NXN: variants seen among roughly 807,000 people sequenced by gnomAD.
The protein encoded by NXN is nucleoredoxin 1.
NXN carries 16 observed loss-of-function variants against 48.6 expected under a neutral mutation model. The observed-to-expected ratio is 0.33, with a 90% CI of 0.22 to 0.50. The LOEUF (loss-of-function observed/expected upper bound fraction) is 0.50, where lower values mean the gene tolerates loss of function less well. Among genes scored for constraint, NXN ranks in the 20% least tolerant of loss-of-function variants. The pLI, the probability that NXN is intolerant of heterozygous loss-of-function variation, is 0.98. For missense variants in NXN, 492 were observed against 605.5 expected, an observed-to-expected ratio of 0.81 and a Z score of 1.97; for synonymous variants, 281 against 269.6, an observed-to-expected ratio of 1.04 and a Z score of -0.41.
At chr17:975,226 T>C (rs965854350) in intron 1 of NXN, among the ~76,000 whole-genome samples, 26 of 152,230 alleles carry the variant, frequency 1.7e-4, no homozygotes, top group Admixed American at 4.6e-4. Flanking sequence ...GGGCTTCTTA[T>C]GAAGAAGGCA....
At chr17:865,285 C>T (rs534539724) in intron 1 of NXN, among the ~76,000 whole-genome samples, 4 of 152,202 alleles carry the variant, frequency 2.6e-5, no homozygotes, top group South Asian at 4.1e-4. Flanking sequence ...CTCTGTCACC[C>T]AGGCTGGAGT....
intron 1 of NXN, among the ~76,000 whole-genome samples, chr17:943,419 C>T (rs902612866): frequency 6.6e-6 from 1 of 152,174 alleles, no homozygotes; most frequent in African/African-American, 2.4e-5. Flanking sequence ...GAGTGATGAC[C>T]TCAAGCACGT....
At chr17:953,072 A>G (rs554944136) in intron 1 of NXN, among the ~76,000 whole-genome samples, 2 of 152,310 alleles carry the variant, frequency 1.3e-5, no homozygotes, top group South Asian at 4.1e-4. Context: ...TGAGGGGCTC[A>G]GTCCACAGAA....
chr17:951,999 G>A (rs890260420), intron 1 of NXN, among the ~76,000 whole-genome samples: 11 of 152,148 alleles, frequency 7.2e-5, no homozygotes, highest in African/African-American at 2.7e-4. Flanking sequence ...AATTCTCCAC[G>A]GTCAGCCATC....
At chr17:955,073 T>C (rs879342326) in intron 1 of NXN, among the ~76,000 whole-genome samples, 4 of 149,812 alleles carry the variant, frequency 2.7e-5, no homozygotes, top group African/African-American at 4.9e-5. Context: ...ACGGGGAGAG[T>C]GGTCTTTTCT....
intron 1 of NXN, among the ~76,000 whole-genome samples, chr17:951,545 T>C (rs1401521652): frequency 2.5e-5 from 2 of 81,534 alleles, no homozygotes; most frequent in Non-Finnish European, 4.4e-5. Context: ...CAATACATTT[T>C]AAAAATGCGA....
chr17:816,287 C>G (rs1202300455), intron 5 of NXN, among the ~76,000 whole-genome samples: 2 of 152,104 alleles, frequency 1.3e-5, no homozygotes, highest in Non-Finnish European at 2.9e-5. Context: ...AAAGTACAAC[C>G]CATGTATTTT....
intron 1 of NXN, among the ~76,000 whole-genome samples, chr17:853,935 T>C (rs1266720138): frequency 6.6e-6 from 1 of 151,914 alleles, no homozygotes; most frequent in Non-Finnish European, 1.5e-5. Context: ...TTAGCCAGGA[T>C]GGTCTTGATC....
rs1319403521 is a variant in NXN at position 919,938 on chromosome 17, C to G, written c.360+59381G>C. ...GGCGGAAAATGTACCTTCCATCTCT[C>G]TCTGCCTCAGCCCCCACCGGCACCC... On this transcript the variant is annotated intron_variant, in intron 1 of 7. Coordinates refer to ENST00000336868, the MANE Select transcript of NXN (RefSeq NM_022463.5). This position sits in a 1 kb window ranked among gnomAD's most constrained non-coding sequence, Gnocchi z 5.1. Among the ~76,000 whole-genome samples the G allele has an allele frequency of 1.3e-5, 2 of 152,152 alleles. No individual in the cohort carries two copies. Among genetic ancestry groups the G allele is most frequent in the Non-Finnish European group, 2.9e-5 (2 of 68,038 alleles).
intron 1 of NXN, chr17:930,132 C>T (rs1464442964): frequency 3.9e-5 from 6 of 152,042 alleles, no homozygotes; most frequent in African/African-American, 1.2e-4. Context: ...GGGGACTCTC[C>T]AAGTTAAAAA....
chr17:886,998 C>G (rs73293316), intron 1 of NXN, among the ~76,000 whole-genome samples: 1 of 152,012 alleles, frequency 6.6e-6, no homozygotes, highest in African/African-American at 2.4e-5. Context: ...GCCTTAACCT[C>G]CTGGGCTCAA....
chr17:895,021 TTTTTTTTTTTTTTG>T, intron 1 of NXN, among the ~76,000 whole-genome samples: 2 of 51,930 alleles, frequency 3.9e-5, no homozygotes, highest in African/African-American at 1.2e-4. Context: ...TTTTTTTTTT[TTTTTTTTTTTTTTG>T]AGACTAAATC....
chr17:917,201 G>C lies in NXN; in HGVS notation c.360+62118C>G, dbSNP rs1287528190. On this transcript the variant is annotated intron_variant, in intron 1 of 7. Coordinates refer to ENST00000336868, the MANE Select transcript of NXN (RefSeq NM_022463.5). This position sits in a 1 kb window ranked among gnomAD's most constrained non-coding sequence, Gnocchi z 4.5. Reference sequence around the variant, plus strand: ...CTGTAGCCCAGGCTGGAGTGCAATGGCGCGACCTCGGCTCGCCGTGGCCTC... The same window carrying C: ...CTGTAGCCCAGGCTGGAGTGCAATGCCGCGACCTCGGCTCGCCGTGGCCTC... Among the ~76,000 whole-genome samples, 4 of 151,920 alleles carry C rather than the reference G, an allele frequency of 2.6e-5. No individual in the cohort carries two copies. Among genetic ancestry groups the C allele is most frequent in the Non-Finnish European group, 5.9e-5 (4 of 67,982 alleles).
At chr17:936,196 C>A (rs573573790) in intron 1 of NXN, among the ~76,000 whole-genome samples, 1 of 151,844 alleles carries the variant, frequency 6.6e-6, no homozygotes, top group Non-Finnish European at 1.5e-5. Context: ...CCACTCGATT[C>A]AACCTATGGA....
At chr17:836,792 TGTTA>T (rs1312562264) in intron 1 of NXN, among the ~76,000 whole-genome samples, 1 of 151,988 alleles carries the variant, frequency 6.6e-6, no homozygotes, top group Non-Finnish European at 1.5e-5. Context: ...ATGAAATAAG[TGTTA>T]GTTGCTTTAA....
chr17:814,828 T>C (rs569247549), intron 5 of NXN, among the ~76,000 whole-genome samples: 4 of 151,856 alleles, frequency 2.6e-5, no homozygotes, highest in Non-Finnish European at 4.4e-5. Flanking sequence ...TGCAGTGGTG[T>C]GATCTCGGCT....
At position 857,671 on chromosome 17, in the gene NXN, G is replaced by A. The variant is rs142510664; in HGVS notation, c.361-31593C>T. Among the ~76,000 whole-genome samples, 377 of 152,292 alleles carry A rather than the reference G, an allele frequency of 2.5e-3. 1 individual carries two copies. Among genetic ancestry groups the A allele is most frequent in the African/African-American group, 8.7e-3 (362 of 41,564 alleles). On this transcript the variant is annotated intron_variant, in intron 1 of 7. Transcript: ENST00000336868. The stretch of plus-strand genomic sequence containing the variant: ...TTCTAAAAAGCTGAGCATAAAAGCT[G>A]TAGCTCTCTTTCTCAATGGTCACCA...
At chr17:904,010 C>T (rs1394014082) in intron 1 of NXN, among the ~76,000 whole-genome samples, 1 of 152,166 alleles carries the variant, frequency 6.6e-6, no homozygotes, top group Non-Finnish European at 1.5e-5. Flanking sequence ...AGACGCAGAA[C>T]CTAGTTTTCT....
At chr17:867,966 C>T (rs1025027270) in intron 1 of NXN, among the ~76,000 whole-genome samples, 1 of 151,846 alleles carries the variant, frequency 6.6e-6, no homozygotes, top group Admixed American at 6.6e-5. Context: ...AAGTGGGGGT[C>T]CTGTGTGGTT....
Sources: allele counts gnomAD v4.1 joint callset (sites outside exome capture counted in the v4.1 genomes callset), GRCh38; gene constraint gnomAD v4.1.1; non-coding constraint Gnocchi (gnomAD v3.1); transcripts MANE v1.5; gene names NCBI Gene and HGNC (gene_info 2026-07-23, HGNC 2026-07-21).